The following AGK variants were observed in gnomAD, a reference collection of about 807,000 sequenced individuals.
The protein encoded by AGK is acylglycerol kinase.
A neutral mutation model predicts 66.4 loss-of-function variants in AGK; 52 were observed. The observed-to-expected ratio is 0.78, with a 90% CI of 0.63 to 0.99. The LOEUF is 0.99. Ranked by LOEUF, AGK falls within the 50% of genes least tolerant of loss-of-function variation. The pLI is 0.00. For synonymous variants in AGK, 182 were observed against 181.1 expected, an observed-to-expected ratio of 1.00 and a Z score of -0.04; for missense variants, 451 against 506.6, an observed-to-expected ratio of 0.89 and a Z score of 1.05.
chr7:141,551,497 G>C (rs879791094), intron 1 of AGK, 63 bp downstream of exon 1: 2 of 152,996 alleles, frequency 1.3e-5, no homozygotes, highest in Non-Finnish European at 2.9e-5. Context: ...GCGCGCGAGC[G>C]GGGTGGGAGT....
At chr7:141,590,715 T>G (rs1342746978) in intron 2 of AGK, among the ~76,000 whole-genome samples, 2 of 152,230 alleles carry the variant, frequency 1.3e-5, no homozygotes, top group African/African-American at 2.4e-5. Context: ...TTCGCTAGTT[T>G]CTACCCTGAA....
intron 2 of AGK, among the ~76,000 whole-genome samples, chr7:141,568,754 T>G (rs1795524166): frequency 6.6e-6 from 1 of 151,972 alleles, no homozygotes; most frequent in East Asian, 1.9e-4. Context: ...TTTTGTATTT[T>G]TAGTAGAGAT....
chr7:141,595,282 T>A (rs1231428817), intron 3 of AGK, among the ~76,000 whole-genome samples: 1 of 152,168 alleles, frequency 6.6e-6, no homozygotes, highest in East Asian at 1.9e-4. Flanking sequence ...TGGTTAGTGA[T>A]ATCATTTCTG....
chr7:141,575,138 G>T (rs952896033), intron 2 of AGK, among the ~76,000 whole-genome samples: 1 of 152,264 alleles, frequency 6.6e-6, no homozygotes, highest in African/African-American at 2.4e-5. Context: ...GCATTTGCCA[G>T]TACATATGGT....
intron 13 of AGK, among the ~76,000 whole-genome samples, chr7:141,643,415 A>G (rs1797333458): frequency 6.6e-6 from 1 of 152,158 alleles, no homozygotes; most frequent in African/African-American, 2.4e-5. Flanking sequence ...TAAGGAGGAC[A>G]AGGCCTCTCT....
chr7:141,582,032 A>C (rs1795892250), intron 2 of AGK, among the ~76,000 whole-genome samples: 2 of 152,086 alleles, frequency 1.3e-5, no homozygotes, highest in South Asian at 4.2e-4. Flanking sequence ...AGAGTTACCC[A>C]AAGTGTCTGT....
chr7:141,572,364 G>T (rs1289927822), intron 2 of AGK, among the ~76,000 whole-genome samples: 1 of 152,238 alleles, frequency 6.6e-6, no homozygotes, highest in Non-Finnish European at 1.5e-5. Flanking sequence ...ATGTGAGATT[G>T]TGATAGTGTG....
At chr7:141,612,436 T>C (rs1796609242) in intron 6 of AGK, among the ~76,000 whole-genome samples, 1 of 152,184 alleles carries the variant, frequency 6.6e-6, no homozygotes, top group Non-Finnish European at 1.5e-5. Flanking sequence ...AAATTTTTTG[T>C]GTGTATTTGT....
rs78219214 is a variant in AGK at position 141,641,263 on chromosome 7, C to T, written c.742C>T (p.His248Tyr). Reference protein sequence around the residue: ...FSTLKEWPQTHQASISYTGPT... With the variant: ...FSTLKEWPQTYQASISYTGPT... ...ACATTAAAAGGAGTGGCCTCAGACTCATCAAGCCTCTATCTCATACACGGG... is the reference window on the plus strand; with the variant it reads ...ACATTAAAAGGAGTGGCCTCAGACTTATCAAGCCTCTATCTCATACACGGG... The change falls in exon 12 of 16, where the codon CAT becomes TAT. Residue 248 changes from histidine to tyrosine, a missense_variant. His to Tyr is a moderately conservative substitution (Grantham distance 83). Transcript: ENST00000649286. The T allele has an allele frequency of 2.8e-4, 449 of 1,613,358 alleles. No individual in the cohort carries two copies. Among genetic ancestry groups the T allele is most frequent in the Non-Finnish European group, 3.6e-4 (428 of 1,179,726 alleles).
rs539451871 is a variant in AGK, at chr7:141,648,195, G to A, written c.976-1068G>A. 3.5e-4 allele frequency among the ~76,000 whole-genome samples: 54 copies of A among 152,150 alleles called. 1 individual carries two copies. The South Asian group carries it at 0.011, about 30-fold the overall frequency. Reference sequence around the variant, plus strand: ...CTCATGTTCCTTGCTCTGCTTCTTTGATCTTATTTTCTAATAAACTCTAAT... The same window carrying A: ...CTCATGTTCCTTGCTCTGCTTCTTTAATCTTATTTTCTAATAAACTCTAAT... On this transcript the variant is annotated intron_variant, in intron 13 of 15. Coordinates refer to ENST00000649286, the MANE Select transcript of AGK (RefSeq NM_018238.4).
At chr7:141,644,955 C>T (rs1186394529) in intron 13 of AGK, among the ~76,000 whole-genome samples, 1 of 151,934 alleles carries the variant, frequency 6.6e-6, no homozygotes, top group Non-Finnish European at 1.5e-5. Context: ...CATATTTATA[C>T]TAATACTCTG....
At chr7:141,577,398 T>C (rs1795767916) in intron 2 of AGK, among the ~76,000 whole-genome samples, 1 of 152,256 alleles carries the variant, frequency 6.6e-6, no homozygotes, top group Admixed American at 6.5e-5. Context: ...TGTTTAAATC[T>C]ACCTATGACC....
intron 2 of AGK, among the ~76,000 whole-genome samples, chr7:141,561,439 T>A (rs1349794725): frequency 6.6e-6 from 1 of 152,194 alleles, no homozygotes; most frequent in Non-Finnish European, 1.5e-5. Flanking sequence ...TGTTATTTTT[T>A]AATTTTTTAA....
At chr7:141,652,664 G>C in intron 15 of AGK, 123 bp from the exon 16 acceptor site, 2 of 1,034,992 alleles carry the variant, frequency 1.9e-6, no homozygotes, top group Admixed American at 4.4e-5. Flanking sequence ...AGAACATTAG[G>C]ATAGCTCCTC....
At chr7:141,643,397 T>G (rs938450075) in intron 13 of AGK, among the ~76,000 whole-genome samples, 5 of 152,178 alleles carry the variant, frequency 3.3e-5, no homozygotes, top group Admixed American at 1.3e-4. Flanking sequence ...TGATTATCAG[T>G]ATAAAATTAA....
chr7:141,591,697 T>A (rs1032322718), intron 2 of AGK, among the ~76,000 whole-genome samples: 1 of 152,238 alleles, frequency 6.6e-6, no homozygotes, highest in Non-Finnish European at 1.5e-5. Flanking sequence ...CAAAATAACC[T>A]TTTTTCAAGT....
intron 2 of AGK, among the ~76,000 whole-genome samples, chr7:141,561,044 C>A (rs921204103): frequency 2.0e-5 from 3 of 152,182 alleles, no homozygotes; most frequent in Non-Finnish European, 4.4e-5. Context: ...CCGCCCGCCT[C>A]GGCCTCCCAA....
At chr7:141,564,176 C>T (rs529187015) in intron 2 of AGK, among the ~76,000 whole-genome samples, 15 of 152,318 alleles carry the variant, frequency 9.8e-5, no homozygotes, top group Admixed American at 3.9e-4. Flanking sequence ...CCCTCTCATG[C>T]CACATCCTCT....
In AGK at chr7:141,655,087, GT is replaced by G. The variant is rs1797663991; in HGVS notation, c.*2164del. Reference sequence around the variant, plus strand: ...GGTTCTGTAACAATATCAAGGACCAGTGCAGAATCTGGCTTTCTTTTCTGAT... The same window carrying G: ...GGTTCTGTAACAATATCAAGGACCAGGCAGAATCTGGCTTTCTTTTCTGAT... On this transcript the variant is annotated 3_prime_UTR_variant, in exon 16 of 16. Coordinates refer to ENST00000649286, the MANE Select transcript of AGK (RefSeq NM_018238.4). 1 of 152,216 alleles carries G rather than the reference GT, an allele frequency of 6.6e-6. No homozygotes were observed. Among genetic ancestry groups the G allele is most frequent in the African/African-American group, 2.4e-5 (1 of 41,446 alleles). 9.4% of individuals were successfully genotyped at this position (152,216 alleles called of 1,614,324 possible). A position where few individuals can be genotyped will look rare whatever the true frequency, so the allele number is the denominator to read the frequency against.
Sources: gnomAD v4.1 joint callset for allele counts (sites outside exome capture counted in the v4.1 genomes callset) on GRCh38, gnomAD v4.1.1 for gene constraint, MANE v1.5 for transcripts, NCBI Gene and HGNC (gene_info 2026-07-23, HGNC 2026-07-21) for gene names.